The following ATG3 variants were observed in gnomAD, a reference collection of about 807,000 sequenced individuals.
ATG3 encodes ubiquitin-like-conjugating enzyme ATG3.
A neutral mutation model predicts 50.7 loss-of-function variants in ATG3; 25 were observed. The observed-to-expected ratio is 0.49, with a 90% CI of 0.36 to 0.69. ATG3 has a LOEUF of 0.69. Ranked by LOEUF, ATG3 falls within the 30% of genes least tolerant of loss-of-function variation. The probability of loss-of-function intolerance (pLI) is 0.00; values close to 1 mark genes in which losing one functional copy is unlikely to be tolerated. For synonymous variants in ATG3, 119 were observed against 125.5 expected, an observed-to-expected ratio of 0.95 and a Z score of 0.34; for missense variants, 281 against 376.0, an observed-to-expected ratio of 0.75 and a Z score of 2.09.
At chr3:112,558,319 C>A in intron 2 of ATG3, 57 bp downstream of exon 2, 2 of 1,298,464 alleles carry the variant, frequency 1.5e-6, no homozygotes, top group East Asian at 2.4e-5. Context: ...GCAGAAAAGC[C>A]ACCTAGTTTA....
chr3:112,540,503 T>C (rs1933196675), intron 7 of ATG3, among the ~76,000 whole-genome samples: 1 of 152,188 alleles, frequency 6.6e-6, no homozygotes, highest in African/African-American at 2.4e-5. Context: ...AATATATTCA[T>C]ATTTCAACTC....
intron 5 of ATG3, among the ~76,000 whole-genome samples, chr3:112,544,658 G>GAAGAAAAAAAAAA (rs1553738121): frequency 3.1e-5 from 2 of 64,100 alleles, no homozygotes; most frequent in Non-Finnish European, 6.9e-5. Context: ...CCGTCTCAGG[G>GAAGAAAAAAAAAA]AAAAAAAAAA....
intron 2 of ATG3, among the ~76,000 whole-genome samples, chr3:112,556,048 G>C (rs1559848870): frequency 2.0e-5 from 3 of 151,360 alleles, no homozygotes; most frequent in South Asian, 2.1e-4. Flanking sequence ...CTTGATTTCA[G>C]ATAAAGAGCC....
intron 6 of ATG3, 71 bp from the exon 7 acceptor site, chr3:112,541,955 A>G (rs932896566): frequency 5.8e-6 from 7 of 1,216,636 alleles, no homozygotes; most frequent in Non-Finnish European, 7.1e-6. Flanking sequence ...CCCATGTGCT[A>G]GCACAGTGGT....
chr3:112,556,276 G>A (rs569512729), intron 2 of ATG3, among the ~76,000 whole-genome samples: 6 of 152,354 alleles, frequency 3.9e-5, no homozygotes, highest in Non-Finnish European at 7.4e-5. Context: ...CGTCCCGTCC[G>A]GGAGGTGAGG....
Position 112,540,036 on chromosome 3 carries a change from T to C in ATG3, c.475+1767A>G, listed in dbSNP as rs571142556. ...CAACTATGAGACATCCAGGGGGAAA[T>C]GAAACTGAAATACATCTGAAGTTGA... is the stretch of plus-strand genomic sequence containing the variant. On this transcript the variant is annotated intron_variant, in intron 7 of 11. Transcript: ENST00000283290. Among the ~76,000 whole-genome samples the C allele has an allele frequency of 2.6e-5, 4 of 152,242 alleles. No homozygotes were observed. The East Asian group carries it at 7.7e-4, about 29-fold the overall frequency.
At chr3:112,554,234 T>C (rs1372235740) in intron 2 of ATG3, among the ~76,000 whole-genome samples, 2 of 152,208 alleles carry the variant, frequency 1.3e-5, no homozygotes, top group African/African-American at 4.8e-5. Flanking sequence ...AGCCATCATA[T>C]ACCCTGTGAC....
At chr3:112,561,348 G>T in intron 1 of ATG3, 109 bp downstream of exon 1, 2 of 1,152,114 alleles carry the variant, frequency 1.7e-6, no homozygotes, top group Non-Finnish European at 2.5e-6. Flanking sequence ...GAGCCCTACT[G>T]CCTTCCTACA....
chr3:112,552,041 C>T (rs950432169), intron 3 of ATG3, among the ~76,000 whole-genome samples: 2 of 152,088 alleles, frequency 1.3e-5, no homozygotes, highest in Non-Finnish European at 2.9e-5. Context: ...CAGGAGAATA[C>T]CAGGCCACAG....
At chr3:112,538,868 C>A (rs1933148841) in intron 7 of ATG3, among the ~76,000 whole-genome samples, 2 of 152,206 alleles carry the variant, frequency 1.3e-5, no homozygotes, top group Non-Finnish European at 1.5e-5. Context: ...ATGAACACTG[C>A]AAATATCACA....
intron 7 of ATG3, among the ~76,000 whole-genome samples, chr3:112,540,710 A>G (rs907821108): frequency 1.3e-5 from 2 of 152,122 alleles, no homozygotes; most frequent in African/African-American, 4.8e-5. Context: ...TGACTAGAAG[A>G]AAGAGTCCAG....
chr3:112,561,680 G>T lies in ATG3; in HGVS notation c.-152C>A, dbSNP rs904932443. On this transcript the variant is annotated 5_prime_UTR_variant, in exon 1 of 12. Coordinates refer to ENST00000283290, the MANE Select transcript of ATG3 (RefSeq NM_022488.5). Reference sequence around the variant, plus strand: ...GGGACGGGACGCGACGCGACGGGACGGGCGGGACGAGGGGGCGGGGCGGCA... The same window carrying T: ...GGGACGGGACGCGACGCGACGGGACTGGCGGGACGAGGGGGCGGGGCGGCA... The T allele has an allele frequency of 4.0e-6, 3 of 758,788 alleles. No individual in the cohort carries two copies. The highest frequency in any genetic ancestry group is 6.2e-6 in the Non-Finnish European group (3 of 484,100). 47.0% of individuals were successfully genotyped at this position (758,788 alleles called of 1,614,324 possible).
intron 2 of ATG3, among the ~76,000 whole-genome samples, chr3:112,555,006 C>G (rs1933627245): frequency 6.6e-6 from 1 of 152,150 alleles, no homozygotes; most frequent in Non-Finnish European, 1.5e-5. Flanking sequence ...CCAGATGCTA[C>G]ATTTAGCTCT....
intron 2 of ATG3, among the ~76,000 whole-genome samples, chr3:112,556,226 C>A: frequency 6.6e-6 from 1 of 152,222 alleles, no homozygotes; most frequent in East Asian, 1.9e-4. Flanking sequence ...GAAGCCTCGG[C>A]AGGGATAGTT....
At chr3:112,538,299 G>A (rs959307525) in intron 7 of ATG3, 119 bp from the exon 8 acceptor site, 2 of 741,990 alleles carry the variant, frequency 2.7e-6, no homozygotes, top group Non-Finnish European at 4.4e-6. Context: ...TTGTTTTTAA[G>A]TGAAGATATT....
intron 4 of ATG3, 145 bp from the exon 5 acceptor site, chr3:112,548,785 G>T (rs6767088): frequency 4.4e-6 from 3 of 682,498 alleles, no homozygotes; most frequent in South Asian, 3.7e-5. Context: ...AGGTGATTAA[G>T]AGTTACATTC....
rs1026543916 is a variant in ATG3, at chr3:112,537,865, A to C, written c.536T>G (p.Val179Gly). 5 of 1,610,670 alleles carry C rather than the reference A, an allele frequency of 3.1e-6. No individual in the cohort carries two copies. The Admixed American group carries it at 5.1e-5, about 16-fold the overall frequency. ...DEATLDTRKI[V>G]EACKAKTDAG... ...ATCAGTTTTGGCTTTACAAGCTTCT[A>C]CTATTTTCCTTGTATCTAGGGTAGC... The change falls in exon 9 of 12, where the codon GTA (valine) becomes GGA (glycine). Residue 179 changes from valine to glycine, a missense_variant. By Grantham distance (109) the Val-to-Gly change is moderately radical. Around this residue, in one of 3 missense-constraint regions of ATG3, gnomAD observed 242 missense variants for 305.0 expected, o/e 0.79. Transcript: ENST00000283290.
chr3:112,539,760 A>T (rs1933177203), intron 7 of ATG3, among the ~76,000 whole-genome samples: 1 of 152,242 alleles, frequency 6.6e-6, no homozygotes, highest in Non-Finnish European at 1.5e-5. Flanking sequence ...TTTATATTAG[A>T]TACCATTAAC....
rs1933305429 is a variant in ATG3 at position 112,544,042 on chromosome 3, CTAAT to C, written c.393+11_393+14del. On this transcript the variant is annotated intron_variant, in intron 6 of 11. Coordinates refer to ENST00000283290, the MANE Select transcript of ATG3 (RefSeq NM_022488.5). ...CTACTCATTAAATTTAAAAATATAA[CTAAT>C]TAACCAGTACCTTATTTTCCAGTGT... is the stretch of plus-strand genomic sequence containing the variant. 1.3e-6 allele frequency: 2 copies of C among 1,555,838 alleles called. No individual in the cohort carries two copies. Among genetic ancestry groups the C allele is most frequent in the Non-Finnish European group, 8.9e-7 (1 of 1,129,532 alleles).
Sources: allele counts gnomAD v4.1 joint callset (sites outside exome capture counted in the v4.1 genomes callset), GRCh38; gene constraint gnomAD v4.1.1; regional missense constraint gnomAD v4.1.1; transcripts MANE v1.5; gene names NCBI Gene and HGNC (gene_info 2026-07-23, HGNC 2026-07-21).